Variants in ZNF638 observed in about 807,000 individuals in gnomAD.
ZNF638 encodes zinc finger protein 638.
A neutral mutation model predicts 195.6 loss-of-function variants in ZNF638; 46 were observed. The ratio of observed to expected loss-of-function variants is 0.24; its 90% CI spans 0.19 to 0.30. The LOEUF is 0.30. ZNF638 is among the 10% of genes least tolerant of loss of function. The pLI is 1.00. For missense variants in ZNF638, 2,440 were observed against 2,325.3 expected (o/e 1.05, Z -1.01); for synonymous variants, 845 against 772.0 (o/e 1.09, Z -1.57).
intron 2 of ZNF638, among the ~76,000 whole-genome samples, chr2:71,355,501 A>T (rs1173685790): frequency 6.6e-6 from 1 of 152,194 alleles, no homozygotes; most frequent in Non-Finnish European, 1.5e-5. Context: ...TCTGTACTAA[A>T]ATATTTTCAA....
intron 20 of ZNF638, among the ~76,000 whole-genome samples, chr2:71,417,793 C>T (rs1389752921): frequency 6.6e-6 from 1 of 152,080 alleles, no homozygotes; most frequent in Non-Finnish European, 1.5e-5. Context: ...CTAGACTTAT[C>T]ACCAGATATC....
At chr2:71,381,066 A>G (rs1010548413) in intron 10 of ZNF638, among the ~76,000 whole-genome samples, 1 of 152,132 alleles carries the variant, frequency 6.6e-6, no homozygotes, top group South Asian at 2.1e-4. Flanking sequence ...TTATGAATCC[A>G]GTTAAATAAA....
rs765931218 is a variant in ZNF638, at chr2:71,380,568, A to G, written c.2377+3A>G. The G allele has an allele frequency of 1.9e-6, 3 of 1,601,388 alleles. No homozygotes were observed. The South Asian group carries it at 3.4e-5, about 18-fold the overall frequency. On this transcript the variant is annotated splice_donor_region_variant and intron_variant, in intron 10 of 27. Transcript: ENST00000264447. ...AATTGTTACTTCAACTTCTGCTGGTAAGTTGTTACTTTTAATATTCTTTCA... is the reference window on the plus strand; with the variant it reads ...AATTGTTACTTCAACTTCTGCTGGTGAGTTGTTACTTTTAATATTCTTTCA...
At position 71,421,581 on chromosome 2, in the gene ZNF638, G is replaced by C. The variant is rs141175497; in HGVS notation, c.3300-1233G>C. Among the ~76,000 whole-genome samples, 357 of 152,228 alleles carry C rather than the reference G, an allele frequency of 2.3e-3. 2 individuals carry two copies. Among genetic ancestry groups the C allele is most frequent in the African/African-American group, 8.0e-3 (332 of 41,566 alleles). ...TTTCTTAAATATGGTTAACATCTCA[G>C]CACACAGATATACACCATCTTGTGT... is the stretch of plus-strand genomic sequence containing the variant. On this transcript the variant is annotated intron_variant, in intron 21 of 27. Coordinates refer to ENST00000264447, the MANE Select transcript of ZNF638 (RefSeq NM_014497.5).
chr2:71,423,707 T>C lies in ZNF638; in HGVS notation c.4193T>C (p.Ile1398Thr), dbSNP rs748409176. The C allele has an allele frequency of 3.7e-5, 59 of 1,613,770 alleles. No individual in the cohort carries two copies. The highest frequency in any genetic ancestry group is 1.6e-4 in the Middle Eastern group (1 of 6,084). ...AGTAAACCAAGCATCAAGGCTGTTA[T>C]AGTCTCTTCTCCTAAGGCAAAAGCT... ...SSSKPSIKAV[I>T]VSSPKAKATV... Residue 1398 changes from isoleucine to threonine, a missense_variant, in exon 22 of 28, where the codon ATA becomes ACA. Transcript: ENST00000264447.
In ZNF638 at chr2:71,364,199, G is replaced by A; in HGVS notation, c.1664G>A (p.Cys555Tyr). The change falls in exon 5 of 28, where the codon TGC becomes TAC. Residue 555 changes from cysteine (C) to tyrosine (Y), a missense_variant. By Grantham distance (194) the Cys-to-Tyr change is radical. Around this residue, in one of 5 missense-constraint regions of ZNF638, gnomAD observed 1,883 missense variants for 1,739.1 expected, o/e 1.08. Coordinates refer to ENST00000264447, the MANE Select transcript of ZNF638 (RefSeq NM_014497.5). ...AATCCATTTAGAGGTAGTCCAAAAT[G>A]CTTTCGATCAGTTAGCCCTGAGAGG... ...IRNPFRGSPK[C>Y]FRSVSPERMS... is the part of the protein sequence containing the mutation. 4 of 1,614,210 alleles carry A rather than the reference G, an allele frequency of 2.5e-6. No homozygotes were observed. Among genetic ancestry groups the A allele is most frequent in the Non-Finnish European group, 3.4e-6 (4 of 1,180,038 alleles).
intron 7 of ZNF638, among the ~76,000 whole-genome samples, 183 bp downstream of exon 7, chr2:71,368,711 GT>G (rs1425682044): frequency 6.6e-6 from 1 of 152,160 alleles, no homozygotes; most frequent in African/African-American, 2.4e-5. Flanking sequence ...TAAAATAAGT[GT>G]TTGCCCACTT....
chr2:71,356,100 A>G (rs1285878409), intron 3 of ZNF638, among the ~76,000 whole-genome samples: 1 of 152,066 alleles, frequency 6.6e-6, no homozygotes, highest in African/African-American at 2.4e-5. Context: ...TCCTATCTCC[A>G]CCTCTTCCCA....
At chr2:71,395,419 T>A (rs2104412547) in intron 10 of ZNF638, 3 of 647,576 alleles carry the variant, frequency 4.6e-6, no homozygotes, top group South Asian at 1.7e-5. Flanking sequence ...TTCTTGGAAG[T>A]CCAGGAGGTT....
intron 20 of ZNF638, among the ~76,000 whole-genome samples, chr2:71,410,090 A>G (rs958075664): frequency 6.6e-6 from 1 of 152,192 alleles, no homozygotes; most frequent in Non-Finnish European, 1.5e-5. Flanking sequence ...ATCCAGTATT[A>G]TTGAGGAGAA....
At chr2:71,388,640 C>A (rs1161308621) in intron 10 of ZNF638, 3 of 853,260 alleles carry the variant, frequency 3.5e-6, no homozygotes, top group Middle Eastern at 2.2e-4. Flanking sequence ...GGATCAGACT[C>A]AGCAGCTGGT....
chr2:71,350,343 T>C (rs1293552925), intron 2 of ZNF638, 72 bp downstream of exon 2: 1 of 1,436,872 alleles, frequency 7.0e-7, no homozygotes, highest in African/African-American at 1.4e-5. Flanking sequence ...CTGATATGTA[T>C]GCTGCTTGTT....
intron 1 of ZNF638, among the ~76,000 whole-genome samples, chr2:71,341,444 T>C (rs1448908339): frequency 6.6e-6 from 1 of 152,102 alleles, no homozygotes; most frequent in Non-Finnish European, 1.5e-5. Context: ...TTTTGTACAG[T>C]GTTTAATATA....
chr2:71,418,465 A>C, intron 20 of ZNF638, 137 bp from the exon 21 acceptor site: 1 of 520,262 alleles, frequency 1.9e-6, no homozygotes, highest in Non-Finnish European at 3.2e-6. Context: ...TAATGTAGAC[A>C]CTGAAAACTA....
At chr2:71,370,138 T>C in intron 8 of ZNF638, 133 bp downstream of exon 8, 1 of 989,106 alleles carries the variant, frequency 1.0e-6, no homozygotes, top group Non-Finnish European at 1.5e-6. Context: ...GTGCATTAAT[T>C]CAAGTATGTT....
At position 71,398,697 on chromosome 2, in the gene ZNF638, T is replaced by G. The variant is rs772080660; in HGVS notation, c.2429-4T>G. On this transcript the variant is annotated splice_polypyrimidine_tract_variant and splice_region_variant and intron_variant, in intron 11 of 27. Transcript: ENST00000264447. ...CAGTTTTGACTGCATCTTTTGTGAT[T>G]TAGGGAAATCAGCAAGTTCTGTAAA... 1.1e-5 allele frequency: 17 copies of G among 1,612,890 alleles called. No homozygotes were observed. Among genetic ancestry groups the G allele is most frequent in the Non-Finnish European group, 1.4e-5 (17 of 1,179,306 alleles).
At chr2:71,420,750 C>CA (rs2080414742) in intron 21 of ZNF638, among the ~76,000 whole-genome samples, 1 of 152,106 alleles carries the variant, frequency 6.6e-6, no homozygotes, top group African/African-American at 2.4e-5. Flanking sequence ...GTGTTAATGT[C>CA]ATTTATTTGA....
intron 1 of ZNF638, among the ~76,000 whole-genome samples, chr2:71,346,972 C>T (rs758456028): frequency 3.3e-5 from 5 of 151,456 alleles, no homozygotes; most frequent in Non-Finnish European, 4.4e-5. Context: ...TGCAGTGAGC[C>T]GAGATTGCGC....
chr2:71,417,078 C>G (rs996381528), intron 20 of ZNF638, among the ~76,000 whole-genome samples: 3 of 125,384 alleles, frequency 2.4e-5, no homozygotes, highest in Non-Finnish European at 3.3e-5. Context: ...CCCCCAGCCT[C>G]GTTGCCGCCT....
Sources: allele counts gnomAD v4.1 joint callset (sites outside exome capture counted in the v4.1 genomes callset), GRCh38; gene constraint gnomAD v4.1.1; regional missense constraint gnomAD v4.1.1; transcripts MANE v1.5; gene names NCBI Gene and HGNC (gene_info 2026-07-23, HGNC 2026-07-21).